Variants in RGPD6 observed in about 807,000 individuals in gnomAD.
The protein encoded by RGPD6 is RANBP2-like and GRIP domain-containing protein 5/6.
chr2:110,597,103 C>T, the RGPD6 span, among the ~76,000 whole-genome samples: 1 of 53,774 alleles, frequency 1.9e-5, no homozygotes, highest in Non-Finnish European at 3.4e-5. Flanking sequence ...CTCAGCATCC[C>T]GATGAGCTGG....
chr2:110,591,102 TG>T, the RGPD6 span, among the ~76,000 whole-genome samples: 3 of 107,318 alleles, frequency 2.8e-5, no homozygotes, highest in Non-Finnish European at 5.8e-5. Flanking sequence ...TCCAATTTCG[TG>T]TATCTTTATA....
the RGPD6 span, among the ~76,000 whole-genome samples, chr2:110,593,413 T>C: frequency 2.7e-5 from 4 of 145,650 alleles, no homozygotes; most frequent in South Asian, 2.2e-4. Context: ...AGCAAGGTAG[T>C]AGAGCTTCAA....
At chr2:110,603,807 A>G in the RGPD6 span, among the ~76,000 whole-genome samples, 1 of 141,188 alleles carries the variant, frequency 7.1e-6, no homozygotes, top group Non-Finnish European at 1.5e-5. Flanking sequence ...TGAGCAACCC[A>G]GAACAACTCT....
the RGPD6 span, among the ~76,000 whole-genome samples, chr2:110,605,345 C>T: frequency 3.3e-5 from 5 of 151,236 alleles, no homozygotes; most frequent in Non-Finnish European, 5.9e-5. Flanking sequence ...ATGAGAGCCA[C>T]GCAGTCAACT....
At chr2:110,610,807 TGCC>T in the RGPD6 span, 146 of 1,100,014 alleles carry the variant, frequency 1.3e-4, no homozygotes, top group South Asian at 7.2e-4. Context: ...CTGCCGCCGC[TGCC>T]GCCGCCGCCG....
the RGPD6 span, among the ~76,000 whole-genome samples, chr2:110,609,110 G>A: frequency 6.2e-5 from 7 of 113,340 alleles, no homozygotes; most frequent in African/African-American, 2.2e-4. Context: ...AAGTACAGTT[G>A]CTATCTGGAA....
chr2:110,608,285 ATC>A, the RGPD6 span, among the ~76,000 whole-genome samples: 2 of 144,130 alleles, frequency 1.4e-5, no homozygotes, highest in Non-Finnish European at 3.0e-5. Context: ...GTCTGCTGTC[ATC>A]TGTTTTATGA....
the RGPD6 span, among the ~76,000 whole-genome samples, chr2:110,609,583 G>A: frequency 7.0e-6 from 1 of 143,178 alleles, no homozygotes; most frequent in Non-Finnish European, 1.5e-5. Flanking sequence ...ATATTCATGT[G>A]CACATCACAT....
chr2:110,610,792 C>A, the RGPD6 span: 2 of 1,108,764 alleles, frequency 1.8e-6, no homozygotes, highest in East Asian at 7.9e-5. Context: ...GCGTCGCCGC[C>A]GCCGCTGCCG....
the RGPD6 span, among the ~76,000 whole-genome samples, chr2:110,594,229 G>A: frequency 6.9e-6 from 1 of 145,928 alleles, no homozygotes; most frequent in Non-Finnish European, 1.5e-5. Flanking sequence ...ACATCCTTTT[G>A]TGCTTAAAAA....
At chr2:110,605,190 C>G in the RGPD6 span, among the ~76,000 whole-genome samples, 1 of 151,878 alleles carries the variant, frequency 6.6e-6, no homozygotes, top group Non-Finnish European at 1.5e-5. Flanking sequence ...CCACTGCTTC[C>G]CATCGAGGGC....
At chr2:110,605,605 T>C in the RGPD6 span, among the ~76,000 whole-genome samples, 9 of 151,744 alleles carry the variant, frequency 5.9e-5, no homozygotes, top group Non-Finnish European at 8.8e-5. Context: ...TTTCTGGCAC[T>C]ATGAAGTAAA....
At chr2:110,611,034 GCGCCGCCGCCGCCACCGCCCCCGGCCC>G in the RGPD6 span, 1 of 960,536 alleles carries the variant, frequency 1.0e-6, no homozygotes, top group African/African-American at 2.1e-5. Context: ...CGAGCTCGCC[GCGCCGCCGCCGCCACCGCCCCCGGCCC>G]TGCGCCGCCG....
the RGPD6 span, among the ~76,000 whole-genome samples, chr2:110,605,373 C>T: frequency 8.6e-5 from 13 of 151,084 alleles, no homozygotes; most frequent in African/African-American, 3.2e-4. Context: ...GACCTTCGGC[C>T]AGTGTGAGTA....
At chr2:110,589,549 G>A in the RGPD6 span, among the ~76,000 whole-genome samples, 2 of 151,528 alleles carry the variant, frequency 1.3e-5, no homozygotes, top group East Asian at 3.9e-4. Context: ...GCAAATCTAA[G>A]CTACCTGACT....
the RGPD6 span, among the ~76,000 whole-genome samples, chr2:110,593,701 C>T: frequency 5.4e-5 from 8 of 148,824 alleles, no homozygotes; most frequent in Non-Finnish European, 7.4e-5. Context: ...AAATGTGTCA[C>T]ATAAGAAATT....
chr2:110,600,182 G>A, the RGPD6 span, among the ~76,000 whole-genome samples: 1 of 105,328 alleles, frequency 9.5e-6, no homozygotes, highest in Non-Finnish European at 2.1e-5. Flanking sequence ...CAGTCACACA[G>A]CTAGGGCCAC....
the RGPD6 span, among the ~76,000 whole-genome samples, chr2:110,591,498 TCA>T: frequency 6.7e-6 from 1 of 149,214 alleles, no homozygotes; most frequent in African/African-American, 2.5e-5. Context: ...AGAAATATAC[TCA>T]CAGCTCTTTT....
At chr2:110,605,281 A>C in the RGPD6 span, among the ~76,000 whole-genome samples, 13 of 151,634 alleles carry the variant, frequency 8.6e-5, no homozygotes, top group East Asian at 1.9e-4. Context: ...TCTACTGAGA[A>C]GGCTTTGCCT....
Sources: gnomAD v4.1 joint callset for allele counts (sites outside exome capture counted in the v4.1 genomes callset) on GRCh38, gnomAD v4.1.1 for gene constraint, MANE v1.5 for transcripts, NCBI Gene and HGNC (gene_info 2026-07-23, HGNC 2026-07-21) for gene names.